ATRNL1: variants seen among roughly 807,000 people sequenced by gnomAD.
ATRNL1 encodes the protein attractin like 1.
ATRNL1 carries 95 observed loss-of-function variants against 182.7 expected under a neutral mutation model. That is an observed-to-expected ratio of 0.52 (90% CI 0.44 to 0.62). The LOEUF is 0.62. Ranked by LOEUF, ATRNL1 falls within the 20% of genes least tolerant of loss-of-function variation. The pLI is 0.00. For missense variants in ATRNL1, 1,471 were observed against 1,679.5 expected, an observed-to-expected ratio of 0.88 and a Z score of 2.17; for synonymous variants, 576 against 568.3, an observed-to-expected ratio of 1.01 and a Z score of -0.19.
At chr10:115,941,000 G>A (rs925755135) in intron 28 of ATRNL1, among the ~76,000 whole-genome samples, 3 of 152,128 alleles carry the variant, frequency 2.0e-5, no homozygotes, top group Non-Finnish European at 4.4e-5. Flanking sequence ...CAAGCCGTGG[G>A]GTCCAGTAAA....
chr10:115,911,531 C>T (rs548718214), intron 28 of ATRNL1, among the ~76,000 whole-genome samples: 1 of 152,148 alleles, frequency 6.6e-6, no homozygotes, highest in African/African-American at 2.4e-5. Context: ...GTTGGACAGG[C>T]TGGTCCCGAA....
intron 1 of ATRNL1, among the ~76,000 whole-genome samples, chr10:115,108,154 CATAAT>C (rs1554866624): frequency 1.3e-5 from 2 of 152,148 alleles, no homozygotes; most frequent in Non-Finnish European, 2.9e-5. Context: ...CTTCCCTTTT[CATAAT>C]ATGTTTTGTT....
chr10:115,305,306 C>A (rs1244855650), intron 17 of ATRNL1, among the ~76,000 whole-genome samples: 5 of 152,170 alleles, frequency 3.3e-5, no homozygotes, highest in Admixed American at 6.5e-5. Context: ...ACAATGCAGG[C>A]TGGAATCCCA....
At chr10:115,159,529 A>T (rs542742121) in intron 5 of ATRNL1, among the ~76,000 whole-genome samples, 3 of 151,768 alleles carry the variant, frequency 2.0e-5, no homozygotes, top group South Asian at 4.1e-4. Flanking sequence ...GCTAAAAAAA[A>T]TGTAATCTTT....
rs372228105 is a variant in ATRNL1 at position 115,151,626 on chromosome 10, C to T, written c.830-8414C>T. On this transcript the variant is annotated intron_variant, in intron 5 of 28. Transcript: ENST00000355044. ...GTAGATTCTGGATATTAGCCCTTTG[C>T]CAGATGAGTACATTGCAAAAACTTT... 9.2e-5 allele frequency among the ~76,000 whole-genome samples: 14 copies of T among 152,154 alleles called. No individual in the cohort carries two copies. In the South Asian group the frequency reaches 2.3e-3, roughly 25 times the overall value.
Position 115,404,155 on chromosome 10 carries a change from A to C in ATRNL1, c.3269+9403A>C, listed in dbSNP as rs1420296946. Among the ~76,000 whole-genome samples the C allele has an allele frequency of 2.6e-5, 4 of 152,234 alleles. No individual in the cohort carries two copies. In the East Asian group the frequency reaches 7.7e-4, roughly 29 times the overall value. On this transcript the variant is annotated intron_variant, in intron 20 of 28. Coordinates refer to ENST00000355044, the MANE Select transcript of ATRNL1 (RefSeq NM_207303.4). ...AATGAATTTAAAGCTCTTGGATTTT[A>C]GGAATGTACTTTCAAAGTTAAATGT...
intron 28 of ATRNL1, among the ~76,000 whole-genome samples, chr10:115,925,385 A>G (rs959791421): frequency 5.3e-5 from 8 of 152,142 alleles, no homozygotes; most frequent in African/African-American, 1.9e-4. Context: ...CATCAGGATG[A>G]CAGGATCAGG....
intron 20 of ATRNL1, among the ~76,000 whole-genome samples, chr10:115,417,817 C>A (rs1845466010): frequency 6.6e-6 from 1 of 152,186 alleles, no homozygotes; most frequent in African/African-American, 2.4e-5. Context: ...TTGGAGCCCT[C>A]CTGAGACTTG....
intron 27 of ATRNL1, among the ~76,000 whole-genome samples, chr10:115,773,668 C>T (rs2134171891): frequency 6.6e-6 from 1 of 152,252 alleles, no homozygotes; most frequent in Non-Finnish European, 1.5e-5. Flanking sequence ...ACCCCTGCAC[C>T]TGCACAGATC....
intron 8 of ATRNL1, among the ~76,000 whole-genome samples, chr10:115,183,104 A>C (rs1847810459): frequency 6.6e-6 from 1 of 151,480 alleles, no homozygotes; most frequent in Non-Finnish European, 1.5e-5. Context: ...AAACACCTGA[A>C]TATTAAATAA....
intron 8 of ATRNL1, among the ~76,000 whole-genome samples, chr10:115,203,476 T>G (rs1848672440): frequency 6.6e-6 from 1 of 152,084 alleles, no homozygotes; most frequent in South Asian, 2.1e-4. Context: ...ATCTGGTCAT[T>G]TCTTGGTACA....
chr10:115,602,449 ACT>A (rs35889798), intron 26 of ATRNL1, among the ~76,000 whole-genome samples: 74,487 of 151,472 alleles, frequency 0.49, 19,162 homozygotes, highest in African/African-American at 0.6. Context: ...ACACAAAAAA[ACT>A]CTCTGGACAC....
intron 28 of ATRNL1, among the ~76,000 whole-genome samples, chr10:115,868,635 C>G (rs1346733820): frequency 6.6e-6 from 1 of 152,050 alleles, no homozygotes; most frequent in Non-Finnish European, 1.5e-5. Context: ...GCATGCAGTT[C>G]GCCCAGGGTC....
intron 19 of ATRNL1, among the ~76,000 whole-genome samples, chr10:115,336,787 A>G (rs1855497869): frequency 6.6e-6 from 1 of 152,196 alleles, no homozygotes; most frequent in South Asian, 2.1e-4. Flanking sequence ...ACTTTTTAGC[A>G]AAGTGAAACC....
chr10:115,146,461 T>TATCATGCTC (rs1342476577), intron 5 of ATRNL1, among the ~76,000 whole-genome samples: 1 of 152,174 alleles, frequency 6.6e-6, no homozygotes, highest in Non-Finnish European at 1.5e-5. Context: ...ATTTATCATT[T>TATCATGCTC]CTGTGTTGGG....
chr10:115,229,012 C>G (rs2076573133), intron 9 of ATRNL1, among the ~76,000 whole-genome samples: 1 of 151,874 alleles, frequency 6.6e-6, no homozygotes, highest in Non-Finnish European at 1.5e-5. Context: ...AGTGATCCAC[C>G]CACCTCGACC....
intron 19 of ATRNL1, among the ~76,000 whole-genome samples, chr10:115,391,952 A>T (rs1341352514): frequency 6.6e-6 from 1 of 152,172 alleles, no homozygotes; most frequent in African/African-American, 2.4e-5. Context: ...TAAATATTAT[A>T]AATGATTTAT....
At chr10:115,758,192 T>C (rs2134137162) in intron 27 of ATRNL1, among the ~76,000 whole-genome samples, 1 of 152,142 alleles carries the variant, frequency 6.6e-6, no homozygotes. Context: ...TCTGTCCCAT[T>C]TTGTTCCTTT....
At chr10:115,554,813 G>A (rs1474688102) in intron 26 of ATRNL1, among the ~76,000 whole-genome samples, 3 of 151,576 alleles carry the variant, frequency 2.0e-5, no homozygotes, top group East Asian at 3.9e-4. Context: ...AAAACTTTGG[G>A]CACTGTTTTT....
Sources: allele counts gnomAD v4.1 joint callset (sites outside exome capture counted in the v4.1 genomes callset), GRCh38; gene constraint gnomAD v4.1.1; transcripts MANE v1.5; gene names NCBI Gene and HGNC (gene_info 2026-07-23, HGNC 2026-07-21).